The following TLL1 variants were observed in gnomAD, a reference collection of about 807,000 sequenced individuals.
TLL1 encodes the protein tolloid-like protein 1.
A neutral mutation model predicts 128.2 loss-of-function variants in TLL1; 49 were observed. The observed-to-expected ratio is 0.38, with a 90% confidence interval of 0.30 to 0.48. TLL1 has a LOEUF of 0.48. TLL1 is among the 20% of genes least tolerant of loss of function. The pLI is 0.96. For synonymous variants in TLL1, 454 were observed against 418.8 expected (o/e 1.08, Z -1.03); for missense variants, 1,123 against 1,242.0 (o/e 0.90, Z 1.44).
At chr4:166,098,809 T>C (rs1462693036) in intron 19 of TLL1, among the ~76,000 whole-genome samples, 1 of 152,144 alleles carries the variant, frequency 6.6e-6, no homozygotes, top group East Asian at 1.9e-4. Context: ...GGTTCTTAAA[T>C]TGTTACGATT....
intron 18 of TLL1, among the ~76,000 whole-genome samples, chr4:166,078,389 T>TA (rs1169114031): frequency 1.3e-5 from 2 of 152,190 alleles, no homozygotes; most frequent in African/African-American, 4.8e-5. Context: ...TAGAATAATA[T>TA]TTCACTTAAA....
rs780102620 is a variant in TLL1, at chr4:165,989,457, G to A, written c.246G>A (p.Thr82=). Residue 82 remains threonine, a synonymous_variant, in exon 2 of 21, where the codon ACG becomes ACA. Transcript: ENST00000061240. ...IFQIDRTIDL[T]QNPFGNLGHT... ...AAATAGATAGGACAATTGACCTTAC[G>A]CAGAACCCCTTTGGAAACCTTGGAC... The A allele has an allele frequency of 1.2e-5, 19 of 1,612,580 alleles. No individual in the cohort carries two copies. Among genetic ancestry groups the A allele is most frequent in the East Asian group, 1.1e-4 (5 of 44,778 alleles).
At chr4:165,957,612 G>A (rs540506021) in intron 1 of TLL1, among the ~76,000 whole-genome samples, 3 of 151,680 alleles carry the variant, frequency 2.0e-5, no homozygotes, top group African/African-American at 7.3e-5. Flanking sequence ...CATCACCCGA[G>A]CTGTATACAC....
intron 1 of TLL1, among the ~76,000 whole-genome samples, chr4:165,933,447 G>A (rs1182304171): frequency 6.6e-6 from 1 of 152,106 alleles, no homozygotes; most frequent in Non-Finnish European, 1.5e-5. Context: ...AGACTGCACA[G>A]ACCGTCATCA....
chr4:165,955,244 AAG>A (rs1734726945), intron 1 of TLL1, among the ~76,000 whole-genome samples: 2 of 152,024 alleles, frequency 1.3e-5, no homozygotes, highest in East Asian at 3.9e-4. Flanking sequence ...AATAAAAAGA[AAG>A]AAAAAAGAAA....
chr4:166,002,944 T>G (rs969456674), intron 5 of TLL1, among the ~76,000 whole-genome samples: 18 of 152,306 alleles, frequency 1.2e-4, no homozygotes, highest in Middle Eastern at 3.4e-3. Context: ...TGAATTATTG[T>G]CAGATAACCA....
At chr4:165,948,794 A>C (rs1160256895) in intron 1 of TLL1, among the ~76,000 whole-genome samples, 1 of 152,122 alleles carries the variant, frequency 6.6e-6, no homozygotes, top group East Asian at 1.9e-4. Context: ...GGGGAAAAAC[A>C]TTCAAAGCAT....
chr4:166,078,225 C>G (rs891803226), intron 18 of TLL1, among the ~76,000 whole-genome samples, 195 bp downstream of exon 18: 1 of 152,038 alleles, frequency 6.6e-6, no homozygotes, highest in African/African-American at 2.4e-5. Flanking sequence ...ACGTTGTTCT[C>G]CTCTAGGGTT....
At position 166,025,366 on chromosome 4, in the gene TLL1, T is replaced by C. The variant is rs766728139; in HGVS notation, c.1093T>C (p.Phe365Leu). The C allele has an allele frequency of 6.2e-7, 1 of 1,614,012 alleles. No individual in the cohort carries two copies. Among genetic ancestry groups the C allele is most frequent in the Non-Finnish European group, 8.5e-7 (1 of 1,179,934 alleles). Residue 365 changes from phenylalanine to leucine, a missense_variant, in exon 9 of 21, where the codon TTT (phenylalanine) becomes CTT (leucine). By Grantham distance (22) the Phe-to-Leu change is conservative (BLOSUM62 0). Coordinates refer to ENST00000061240, the MANE Select transcript of TLL1 (RefSeq NM_012464.5). ...ESNGNLSSPG[F>L]PNGYPSYTHC... ...CAATGGCAACCTTTCCTCTCCAGGA[T>C]TTCCCAATGGCTACCCTTCTTACAC...
chr4:166,054,116 C>T (rs1739888809), intron 12 of TLL1, among the ~76,000 whole-genome samples: 5 of 152,014 alleles, frequency 3.3e-5, no homozygotes, highest in Admixed American at 3.3e-4. Flanking sequence ...GATTGAGTTT[C>T]CCCTGATTAT....
intron 14 of TLL1, among the ~76,000 whole-genome samples, chr4:166,059,097 G>T (rs1454355419): frequency 6.6e-6 from 1 of 152,136 alleles, no homozygotes; most frequent in Non-Finnish European, 1.5e-5. Flanking sequence ...TACTGTTTCT[G>T]TGGAGCAACT....
At chr4:166,054,353 T>C (rs1739900458) in intron 12 of TLL1, among the ~76,000 whole-genome samples, 1 of 152,188 alleles carries the variant, frequency 6.6e-6, no homozygotes, top group African/African-American at 2.4e-5. Flanking sequence ...CTACATTTGT[T>C]CAGAGTATTT....
At chr4:166,042,002 C>T (rs1739260080) in intron 10 of TLL1, 25 bp from the exon 11 acceptor site, 1 of 1,518,514 alleles carries the variant, frequency 6.6e-7, no homozygotes, top group African/African-American at 1.4e-5. Context: ...TTAGGAGTTT[C>T]TCTTTATTCT....
intron 1 of TLL1, among the ~76,000 whole-genome samples, chr4:165,903,164 C>A (rs918208642): frequency 2.6e-5 from 4 of 151,940 alleles, no homozygotes; most frequent in Non-Finnish European, 5.9e-5. Flanking sequence ...CATGGGGAAA[C>A]CCCATCTCTA....
intron 16 of TLL1, among the ~76,000 whole-genome samples, chr4:166,066,597 A>G (rs1382940589): frequency 2.6e-5 from 4 of 151,834 alleles, no homozygotes; most frequent in Non-Finnish European, 2.9e-5. Flanking sequence ...TTATGTTTTA[A>G]TGTTAGGTAA....
intron 1 of TLL1, among the ~76,000 whole-genome samples, chr4:165,944,217 T>C (rs1734142143): frequency 6.6e-6 from 1 of 152,164 alleles, no homozygotes; most frequent in Non-Finnish European, 1.5e-5. Flanking sequence ...GTCTAAATTA[T>C]TTGTCTTCTC....
rs191214347 is a variant in TLL1, at chr4:166,071,875, C to G, written c.2189-3003C>G. Among the ~76,000 whole-genome samples the G allele has an allele frequency of 9.2e-5, 14 of 152,016 alleles. No homozygotes were observed. The East Asian group carries it at 2.7e-3, about 29-fold the overall frequency. On this transcript the variant is annotated intron_variant, in intron 16 of 20. Coordinates refer to ENST00000061240, the MANE Select transcript of TLL1 (RefSeq NM_012464.5). ...TTAATTAGAATAGTCTATTAACTCCCGTTCAAACAAGTGGTTTTAAAACAA... is the reference window on the plus strand; with the variant it reads ...TTAATTAGAATAGTCTATTAACTCCGGTTCAAACAAGTGGTTTTAAAACAA...
At chr4:166,030,367 C>A in intron 9 of TLL1, 1 of 415,148 alleles carries the variant, frequency 2.4e-6, no homozygotes, top group East Asian at 3.5e-5. Context: ...TTGATTTTGT[C>A]TTTCAACTGT....
chr4:165,990,617 T>C (rs2111011714), intron 2 of TLL1, among the ~76,000 whole-genome samples: 1 of 152,016 alleles, frequency 6.6e-6, no homozygotes, highest in African/African-American at 2.4e-5. Context: ...TGTGCATACA[T>C]GCATACGTGT....
Sources: allele counts gnomAD v4.1 joint callset (sites outside exome capture counted in the v4.1 genomes callset), GRCh38; gene constraint gnomAD v4.1.1; transcripts MANE v1.5; gene names NCBI Gene and HGNC (gene_info 2026-07-23, HGNC 2026-07-21).